DST: variants seen among roughly 807,000 people sequenced by gnomAD.
DST encodes the protein dystonin.
A neutral mutation model predicts 875.2 loss-of-function variants in DST; 253 were observed. That is an observed-to-expected ratio of 0.29 (90% confidence interval 0.26 to 0.32). The LOEUF is 0.32. DST is among the 10% of genes least tolerant of loss of function. The probability of loss-of-function intolerance (pLI) is 1.00; values close to 1 mark genes in which losing one functional copy is unlikely to be tolerated. For synonymous variants in DST, 3,124 were observed against 3,197.1 expected (o/e 0.98, Z 0.77); for missense variants, 8,287 against 9,111.6 (o/e 0.91, Z 3.68).
intron 4 of DST, among the ~76,000 whole-genome samples, chr6:56,764,285 C>T (rs898947502): frequency 2.6e-5 from 4 of 152,228 alleles, no homozygotes; most frequent in African/African-American, 9.6e-5. Context: ...CAAGCACAAT[C>T]TCCAAAACGT....
chr6:56,920,711 TTTTC>T (rs1483187866), intron 2 of DST, among the ~76,000 whole-genome samples: 4 of 150,614 alleles, frequency 2.7e-5, no homozygotes, highest in East Asian at 3.9e-4. Context: ...CGGTTTTTCT[TTTTC>T]TTTCTTTCTT....
chr6:56,604,767 A>G lies in DST; in HGVS notation c.9861T>C (p.Asp3287=), dbSNP rs542563153. 78 of 1,612,732 alleles carry G rather than the reference A, an allele frequency of 4.8e-5. No homozygotes were observed. Among genetic ancestry groups the G allele is most frequent in the Non-Finnish European group, 6.4e-5 (75 of 1,179,210 alleles). ...RKHVEDVGKN[D]FLQSERCANG... is the part of the protein sequence containing the mutation. ...TTGCACACCGCTCCGACTGCAGAAA[A>G]TCATTTTTCCCAACATCTTCTACAT... Residue 3287 remains aspartate (D), a synonymous_variant, in exon 40 of 104, where the codon GAT becomes GAC. Transcript: ENST00000680361.
intron 5 of DST, among the ~76,000 whole-genome samples, chr6:56,708,429 G>A (rs1235241265): frequency 2.0e-5 from 3 of 151,662 alleles, no homozygotes; most frequent in Non-Finnish European, 4.4e-5. Context: ...CTTCTATAAT[G>A]CTTGAAAAAA....
At chr6:56,746,982 A>G (rs547099891) in intron 4 of DST, among the ~76,000 whole-genome samples, 2 of 152,144 alleles carry the variant, frequency 1.3e-5, no homozygotes, top group Non-Finnish European at 2.9e-5. Context: ...AGAGTTGGCG[A>G]GCAGAGGTGA....
Position 56,561,526 on chromosome 6 carries a change from T to A in DST, c.14092A>T (p.Met4698Leu), listed in dbSNP as rs1350794440. The A allele has an allele frequency of 3.7e-6, 6 of 1,613,206 alleles. No homozygotes were observed. Among genetic ancestry groups the A allele is most frequent in the East Asian group, 2.2e-5 (1 of 44,874 alleles). Residue 4698 changes from methionine (M) to leucine (L), a missense_variant, in exon 57 of 104, where the codon ATG becomes TTG. By Grantham distance (15) the Met-to-Leu change is conservative (BLOSUM62 2). Transcript: ENST00000680361. ...TCATAACCATGACTTATGTCAGTCA[T>A]GTCCTTTTTAATGGATGTTAAACCT... Reference protein sequence around the residue: ...NKGLTSIKKDMTDISHGYEDL... With the variant: ...NKGLTSIKKDLTDISHGYEDL...
chr6:56,507,353 C>T (rs535040049), intron 75 of DST, among the ~76,000 whole-genome samples: 3 of 152,268 alleles, frequency 2.0e-5, no homozygotes, highest in Admixed American at 2.0e-4. Context: ...TAACCATAAA[C>T]CAAGCCCTAA....
chr6:56,798,555 A>C (rs2099743068), intron 4 of DST, among the ~76,000 whole-genome samples: 1 of 152,190 alleles, frequency 6.6e-6, no homozygotes, highest in Non-Finnish European at 1.5e-5. Context: ...AAGAGCTCTG[A>C]TGGAGAGGTA....
At chr6:56,951,960 C>T (rs1325995750) in intron 2 of DST, among the ~76,000 whole-genome samples, 1 of 152,090 alleles carries the variant, frequency 6.6e-6, no homozygotes, top group African/African-American at 2.4e-5. Flanking sequence ...AACTAGCACC[C>T]ACTAGGAGAT....
At chr6:56,583,413 C>T (rs1324709022) in intron 49 of DST, among the ~76,000 whole-genome samples, 2 of 152,276 alleles carry the variant, frequency 1.3e-5, no homozygotes, top group South Asian at 2.1e-4. Context: ...AGTGTCTGTT[C>T]ATATCCTTTG....
chr6:56,776,705 G>A (rs1046947675), intron 4 of DST, among the ~76,000 whole-genome samples: 1 of 151,966 alleles, frequency 6.6e-6, no homozygotes, highest in Non-Finnish European at 1.5e-5. Flanking sequence ...TGAAAAAGAG[G>A]ACTGCAGACT....
At chr6:56,710,464 T>C (rs957346932) in intron 5 of DST, among the ~76,000 whole-genome samples, 2 of 152,214 alleles carry the variant, frequency 1.3e-5, no homozygotes, top group African/African-American at 2.4e-5. Flanking sequence ...AGAAGGATAG[T>C]TTGCTTTAGT....
chr6:56,479,227 A>G (rs1431216396), intron 90 of DST, among the ~76,000 whole-genome samples: 1 of 152,238 alleles, frequency 6.6e-6, no homozygotes, highest in African/African-American at 2.4e-5. Context: ...CCACCCTGAG[A>G]TATCATATTA....
In DST at chr6:56,617,401, C is replaced by T. The variant is rs201266275; in HGVS notation, c.4930-2917G>A. ...TTGTGACTTCTGTATGCATATCATA[C>T]TGCTTGTTCTTAGCTATCTGTAACA... On this transcript the variant is annotated intron_variant, in intron 36 of 103. Coordinates refer to ENST00000680361, the MANE Select transcript of DST (RefSeq NM_001374736.1). 26 of 1,613,230 alleles carry T rather than the reference C, an allele frequency of 1.6e-5. No homozygotes were observed. In the African/African-American group the frequency reaches 2.9e-4, roughly 18 times the overall value.
Position 56,552,202 on chromosome 6 carries a change from CTGAT to C in DST, c.16586_16589del (p.Asn5529SerfsTer24). 6.2e-7 allele frequency: 1 copy of C among 1,610,582 alleles called. No individual in the cohort carries two copies. Among genetic ancestry groups the C allele is most frequent in the Non-Finnish European group, 8.5e-7 (1 of 1,178,160 alleles). Reference sequence around the variant, plus strand: ...TCCCTACCTTGAACATGTTAAGCTGCTGATTAATTGTCTCCGTTTCCATACCAAC... The same window carrying C: ...TCCCTACCTTGAACATGTTAAGCTGCTAATTGTCTCCGTTTCCATACCAAC... On this transcript the variant is annotated frameshift_variant, in exon 61 of 104. Coordinates refer to ENST00000680361, the MANE Select transcript of DST (RefSeq NM_001374736.1). LOFTEE classifies it high-confidence loss of function.
chr6:56,914,450 G>A (rs1247545922), intron 2 of DST, among the ~76,000 whole-genome samples: 1 of 152,176 alleles, frequency 6.6e-6, no homozygotes, highest in East Asian at 1.9e-4. Context: ...CAGGCCAAAT[G>A]CTGGTCAACA....
chr6:56,825,733 T>G (rs924719847), intron 4 of DST, among the ~76,000 whole-genome samples: 1 of 152,180 alleles, frequency 6.6e-6, no homozygotes, highest in African/African-American at 2.4e-5. Flanking sequence ...TAAAACTTCT[T>G]GATCCCTACT....
At chr6:56,886,612 C>T (rs1413496097) in intron 3 of DST, among the ~76,000 whole-genome samples, 3 of 151,940 alleles carry the variant, frequency 2.0e-5, no homozygotes, top group African/African-American at 7.3e-5. Flanking sequence ...CCCGTCTCTA[C>T]TAAAAATACA....
At position 56,606,777 on chromosome 6, in the gene DST, C is replaced by A. The variant is rs2098502168; in HGVS notation, c.7851G>T (p.Leu2617Phe). The part of the protein sequence containing the change: ...DSDDDFYDTP[L>F]FEDDDHDSLL... Reference sequence around the variant, plus strand: ...AAGAATCATGGTCATCATCTTCAAACAAGGGAGTATCATAAAAATCATCAT... The same window carrying A: ...AAGAATCATGGTCATCATCTTCAAAAAAGGGAGTATCATAAAAATCATCAT... The change falls in exon 40 of 104, where the codon TTG becomes TTT. Residue 2617 changes from leucine to phenylalanine, a missense_variant. Around this residue, in one of 10 missense-constraint regions of DST, gnomAD observed 3,138 missense variants for 3,116.6 expected, o/e 1.01. Transcript: ENST00000680361. 6.2e-7 allele frequency: 1 copy of A among 1,613,154 alleles called. No individual in the cohort carries two copies. Among genetic ancestry groups the A allele is most frequent in the Non-Finnish European group, 8.5e-7 (1 of 1,179,592 alleles).
intron 5 of DST, among the ~76,000 whole-genome samples, chr6:56,726,603 T>C (rs1391708386): frequency 6.6e-6 from 1 of 152,232 alleles, no homozygotes; most frequent in Non-Finnish European, 1.5e-5. Context: ...TGGACCCCAC[T>C]GGTCAACCTG....
Sources: gnomAD v4.1 joint callset for allele counts (sites outside exome capture counted in the v4.1 genomes callset) on GRCh38, gnomAD v4.1.1 for gene constraint, gnomAD v4.1.1 regional missense constraint, MANE v1.5 for transcripts, NCBI Gene and HGNC (gene_info 2026-07-23, HGNC 2026-07-21) for gene names.